The following KCTD17 variants were observed in gnomAD, a reference collection of about 807,000 sequenced individuals.
KCTD17 encodes the protein BTB/POZ domain-containing protein KCTD17.
A neutral mutation model predicts 41.5 loss-of-function variants in KCTD17; 20 were observed. That is an observed-to-expected ratio of 0.48 (90% CI 0.34 to 0.70). KCTD17 has a LOEUF of 0.70. KCTD17 is among the 30% of genes least tolerant of loss of function. The probability of loss-of-function intolerance (pLI) is 0.01; values close to 1 mark genes in which losing one functional copy is unlikely to be tolerated. For synonymous variants in KCTD17, 156 were observed against 173.8 expected, an observed-to-expected ratio of 0.90 and a Z score of 0.80; for missense variants, 317 against 427.2, an observed-to-expected ratio of 0.74 and a Z score of 2.27.
At position 37,053,083 on chromosome 22, in the gene KCTD17, ATCCCTCACC is replaced by A; in HGVS notation, c.190-13_190-5del. Reference sequence around the variant, plus strand: ...AAGCCTCACTCTTCTCTCACCGAGCATCCCTCACCTCCATAGGATGAGACCGGGGCCTAC... The same window carrying A: ...AAGCCTCACTCTTCTCTCACCGAGCATCCATAGGATGAGACCGGGGCCTAC... On this transcript the variant is annotated splice_polypyrimidine_tract_variant and splice_region_variant and intron_variant, in intron 1 of 8. Transcript: ENST00000403888. This position sits in a 1 kb window ranked among gnomAD's most constrained non-coding sequence, Gnocchi z 4.1. 6.4e-7 allele frequency: 1 copy of A among 1,559,184 alleles called. No homozygotes were observed. The highest frequency in any genetic ancestry group is 8.7e-7 in the Non-Finnish European group (1 of 1,147,826).
chr22:37,052,482 T>C, intron 1 of KCTD17: 1 of 459,800 alleles, frequency 2.2e-6, no homozygotes, highest in Non-Finnish European at 4.4e-6. Context: ...AGTCGGACCC[T>C]TCCCTGCACT....
intron 1 of KCTD17, 140 bp downstream of exon 1, chr22:37,052,089 A>C: frequency 5.4e-6 from 3 of 553,232 alleles, no homozygotes; most frequent in Non-Finnish European, 7.5e-6. Context: ...AAGAAGCGGC[A>C]GGAGGAGGGG....
intron 2 of KCTD17, chr22:37,054,987 C>T (rs1209139039): frequency 6.6e-6 from 1 of 152,204 alleles, no homozygotes; most frequent in Admixed American, 6.5e-5. Flanking sequence ...AGGCTAGAAA[C>T]CCGAGATCGG....
intron 4 of KCTD17, among the ~76,000 whole-genome samples, chr22:37,058,462 C>T (rs1484577360): frequency 1.3e-5 from 2 of 152,074 alleles, no homozygotes; most frequent in Non-Finnish European, 2.9e-5. Context: ...AGCTTACAGC[C>T]CTCCGTAGGA....
At chr22:37,059,173 C>A in intron 4 of KCTD17, 140 bp from the exon 5 acceptor site, 1 of 1,198,266 alleles carries the variant, frequency 8.3e-7, no homozygotes, top group Non-Finnish European at 1.2e-6. Flanking sequence ...GTGCCCTCTA[C>A]AAACCCAGGA....
At position 37,053,765 on chromosome 22, in the gene KCTD17, A is replaced by G. The variant is rs910897956; in HGVS notation, c.298+557A>G. Among the ~76,000 whole-genome samples, 1 of 152,104 alleles carries G rather than the reference A, an allele frequency of 6.6e-6. No homozygotes were observed. The highest frequency in any genetic ancestry group is 1.5e-5 in the Non-Finnish European group (1 of 67,992). On this transcript the variant is annotated intron_variant, in intron 2 of 8. Transcript: ENST00000403888. The surrounding 1 kb of genome is among the most constrained non-coding windows in gnomAD (Gnocchi z 4.1). ...TCTGCTTCCCAGTGGGGCTTTGGTT[A>G]TCCCCAGGCCTAGGTGGCCGAGGCC...
At chr22:37,056,501 G>A (rs1204283948) in intron 3 of KCTD17, 90 bp downstream of exon 3, 7 of 1,082,136 alleles carry the variant, frequency 6.5e-6, no homozygotes, top group Non-Finnish European at 9.6e-6. Context: ...AGGAGGTTGG[G>A]AGAGACAGGA....
Position 37,057,381 on chromosome 22 carries a change from G to GT in KCTD17, c.391-17_391-16insT. 1 of 1,610,758 alleles carries GT rather than the reference G, an allele frequency of 6.2e-7. No individual in the cohort carries two copies. Among genetic ancestry groups the GT allele is most frequent in the Non-Finnish European group, 8.5e-7 (1 of 1,177,204 alleles). On this transcript the variant is annotated splice_polypyrimidine_tract_variant and intron_variant, in intron 3 of 8. Transcript: ENST00000403888. ...GTGCTCCCACAGGTGCCCTCTATGTGACCCTTCTGCCCACAGGTCCCACCC... is the reference window on the plus strand; with the variant it reads ...GTGCTCCCACAGGTGCCCTCTATGTGTACCCTTCTGCCCACAGGTCCCACCC...
chr22:37,061,614 A>G lies in KCTD17; in HGVS notation c.860A>G (p.Gln287Arg). The G allele has an allele frequency of 6.3e-7, 1 of 1,598,700 alleles. No individual in the cohort carries two copies. The highest frequency in any genetic ancestry group is 1.3e-5 in the African/African-American group (1 of 74,970). The change falls in exon 8 of 9, where the codon CAG (glutamine) becomes CGG (arginine). Residue 287 changes from glutamine to arginine, a missense_variant. Transcript: ENST00000403888. This position sits in a 1 kb window ranked among gnomAD's most constrained non-coding sequence, Gnocchi z 6.6. ...TCTCCTCGGCCCCTCGCCCGCCCCC[A>G]GAGCTGCCATCCCTGGTTTGTAGCT... Reference protein sequence around the residue: ...RASPRPLARPQSCHPCCYKPE... With the variant: ...RASPRPLARPRSCHPCCYKPE...
At chr22:37,057,886 C>G (rs895869742) in intron 4 of KCTD17, among the ~76,000 whole-genome samples, 5 of 152,312 alleles carry the variant, frequency 3.3e-5, no homozygotes, top group African/African-American at 1.2e-4. Context: ...TCAGAGTCAG[C>G]ATCATGCGAT....
rs369869536 is a variant in KCTD17 at position 37,059,264 on chromosome 22, G to A, written c.487-49G>A. 2.9e-5 allele frequency: 46 copies of A among 1,605,758 alleles called. No homozygotes were observed. The highest frequency in any genetic ancestry group is 6.7e-5 in the East Asian group (3 of 44,878). On this transcript the variant is annotated intron_variant, in intron 4 of 8. Coordinates refer to ENST00000403888, the MANE Select transcript of KCTD17 (RefSeq NM_001282684.2). ...CGAGGTCTGTCGTATCCTGCCCCACGGCCCCCAACACCAACCTGCATTTTT... is the reference window on the plus strand; with the variant it reads ...CGAGGTCTGTCGTATCCTGCCCCACAGCCCCCAACACCAACCTGCATTTTT...
Position 37,057,479 on chromosome 22 carries a change from TG to T in KCTD17, c.474del (p.Trp158CysfsTer7). The T allele has an allele frequency of 6.2e-7, 1 of 1,612,010 alleles. No individual in the cohort carries two copies. The highest frequency in any genetic ancestry group is 8.5e-7 in the Non-Finnish European group (1 of 1,179,810). On this transcript the variant is annotated frameshift_variant, in exon 4 of 9. Coordinates refer to ENST00000403888, the MANE Select transcript of KCTD17 (RefSeq NM_001282684.2). LOFTEE classifies it high-confidence loss of function. ...AATGGTCTCCACCATGTCTGATGGC[TG>T]GCGCTTCGAGCAGGTGCGCTGGGGA... ...TQMVSTMSDG[W>X]RFEQLVNIGS...
In KCTD17 at chr22:37,061,414, G is replaced by T; in HGVS notation, c.785-125G>T. 6.8e-7 allele frequency: 1 copy of T among 1,476,208 alleles called. No homozygotes were observed. The allele number at this position is 1,476,208 out of a possible 1,614,324, so 91.4% of individuals were successfully genotyped here. On this transcript the variant is annotated intron_variant, in intron 7 of 8. Transcript: ENST00000403888. This position sits in a 1 kb window ranked among gnomAD's most constrained non-coding sequence, Gnocchi z 6.6. ...CTCCTGCCTCCCAGCCTGGGGAGGA[G>T]GGGCGCAGCTGCACCTCCTCTGTGC...
intron 1 of KCTD17, chr22:37,052,607 C>T (rs545867793): frequency 4.2e-6 from 2 of 471,040 alleles, no homozygotes; most frequent in South Asian, 1.5e-5. Context: ...CAAGTCGCCT[C>T]ACCTCTCAAT....
rs1925951370 is a variant in KCTD17, at chr22:37,062,812, T to C, written c.*218T>C. 2 of 1,069,822 alleles carry C rather than the reference T, an allele frequency of 1.9e-6. No homozygotes were observed. Among genetic ancestry groups the C allele is most frequent in the Non-Finnish European group, 2.6e-6 (2 of 774,296 alleles). The allele number at this position is 1,069,822 out of a possible 1,614,324, so 66.3% of individuals were successfully genotyped here. ...GCAGATGTGTGGCAATGTCTGGCTG[T>C]GTCTCTCCGGCACCTGCGTCCCCTC... On this transcript the variant is annotated 3_prime_UTR_variant, in exon 9 of 9. Transcript: ENST00000403888.
chr22:37,052,075 C>T (rs893916268), intron 1 of KCTD17, 126 bp downstream of exon 1: 1 of 648,552 alleles, frequency 1.5e-6, no homozygotes, highest in Non-Finnish European at 2.0e-6. Flanking sequence ...GAACTGGAGG[C>T]GGGAAGAAGC....
In KCTD17 at chr22:37,052,885, A is replaced by G. The variant is rs984918825; in HGVS notation, c.190-215A>G. ...AGGGGGAGAGGAGTGAGTTTCAAAG[A>G]GGCCAAATCATTAGCCTAAGGTCAC... On this transcript the variant is annotated intron_variant, in intron 1 of 8. Transcript: ENST00000403888. Among the ~76,000 whole-genome samples the G allele has an allele frequency of 3.3e-5, 5 of 152,358 alleles. No homozygotes were observed. In the South Asian group the frequency reaches 1.0e-3, roughly 32 times the overall value.
chr22:37,061,735 A>G lies in KCTD17; in HGVS notation c.875+106A>G. 6.8e-7 allele frequency: 1 copy of G among 1,470,420 alleles called. No individual in the cohort carries two copies. The allele number at this position is 1,470,420 out of a possible 1,614,324, so 91.1% of individuals were successfully genotyped here. On this transcript the variant is annotated intron_variant, in intron 8 of 8. Transcript: ENST00000403888. The surrounding 1 kb of genome is among the most constrained non-coding windows in gnomAD (Gnocchi z 6.6). ...TTCGGCTGATTATCTCCACCCACCA[A>G]AGTTTCTCATCCGACCTTGGCCTTG...
intron 5 of KCTD17, among the ~76,000 whole-genome samples, chr22:37,060,019 G>A (rs1478410384): frequency 6.6e-6 from 1 of 152,198 alleles, no homozygotes; most frequent in Non-Finnish European, 1.5e-5. Flanking sequence ...TGCCAGTCCT[G>A]TGTGTCCGCC....
Sources: allele counts gnomAD v4.1 joint callset (sites outside exome capture counted in the v4.1 genomes callset), GRCh38; gene constraint gnomAD v4.1.1; non-coding constraint Gnocchi (gnomAD v3.1); transcripts MANE v1.5; gene names NCBI Gene and HGNC (gene_info 2026-07-23, HGNC 2026-07-21).